The following CHD9 variants were observed in gnomAD, a reference collection of about 807,000 sequenced individuals.
CHD9 encodes ATP-dependent chromatin remodeler CHD9.
Under a neutral mutation model 316.1 loss-of-function variants are expected in CHD9, and 77 were observed. That is an observed-to-expected ratio of 0.24 (90% CI 0.20 to 0.29). The LOEUF (loss-of-function observed/expected upper bound fraction) is 0.29, where lower values mean the gene tolerates loss of function less well. Among genes scored for constraint, CHD9 ranks in the 10% least tolerant of loss-of-function variants. The pLI, the probability that CHD9 is intolerant of heterozygous loss-of-function variation, is 1.00. For synonymous variants in CHD9, 1,129 were observed against 1,158.3 expected, an observed-to-expected ratio of 0.97 and a Z score of 0.51; for missense variants, 2,763 against 3,438.1, an observed-to-expected ratio of 0.80 and a Z score of 4.91.
intron 1 of CHD9, among the ~76,000 whole-genome samples, chr16:53,071,620 A>C (rs2034058224): frequency 6.6e-6 from 1 of 152,204 alleles, no homozygotes; most frequent in Non-Finnish European, 1.5e-5. Context: ...GGTGCCTTTA[A>C]AGCCTCAGGC....
In CHD9 at chr16:53,326,467, A is replaced by G. The variant is rs2057545528; in HGVS notation, c.*1572A>G. Reference sequence around the variant, plus strand: ...TATCAGGTTTTCCAAGACCTTTACCAGTAAATTATGTTTCTGTATGTAAAA... The same window carrying G: ...TATCAGGTTTTCCAAGACCTTTACCGGTAAATTATGTTTCTGTATGTAAAA... On this transcript the variant is annotated 3_prime_UTR_variant, in exon 39 of 39. Transcript: ENST00000447540. 6.6e-6 allele frequency: 1 copy of G among 152,520 alleles called. No homozygotes were observed. The highest frequency in any genetic ancestry group is 2.4e-5 in the African/African-American group (1 of 41,456). 9.4% of individuals were successfully genotyped at this position (152,520 alleles called of 1,614,324 possible). A position where few individuals can be genotyped will look rare whatever the true frequency, so the allele number is the denominator to read the frequency against.
chr16:53,170,787 G>A (rs1424362278), intron 2 of CHD9, among the ~76,000 whole-genome samples: 1 of 152,016 alleles, frequency 6.6e-6, no homozygotes, highest in Non-Finnish European at 1.5e-5. Context: ...ACAAATTTTT[G>A]AGAACATAAC....
At position 53,055,636 on chromosome 16, in the gene CHD9, G is replaced by T. The variant is rs565422114; in HGVS notation, c.-165+559G>T. Reference sequence around the variant, plus strand: ...AGTTGGAGAAAAACGGAGGACATTTGTTTGTTCTAACCCAGAATGCTGATG... The same window carrying T: ...AGTTGGAGAAAAACGGAGGACATTTTTTTGTTCTAACCCAGAATGCTGATG... On this transcript the variant is annotated intron_variant, in intron 1 of 38. Coordinates refer to ENST00000447540, the MANE Select transcript of CHD9 (RefSeq NM_001308319.2). Among the ~76,000 whole-genome samples the T allele has an allele frequency of 9.9e-5, 15 of 152,234 alleles. No individual in the cohort carries two copies. In the East Asian group the frequency reaches 2.5e-3, roughly 25 times the overall value.
chr16:53,102,336 C>A (rs1354448932), intron 1 of CHD9, among the ~76,000 whole-genome samples: 3 of 151,928 alleles, frequency 2.0e-5, no homozygotes, highest in African/African-American at 7.3e-5. Context: ...AACTGTATTC[C>A]CTGTGTTGAG....
chr16:53,247,613 G>GTTTC (rs2049746360), intron 16 of CHD9, 110 bp downstream of exon 16: 1 of 741,820 alleles, frequency 1.3e-6, no homozygotes, highest in African/African-American at 1.8e-5. Flanking sequence ...TGCTAGATTA[G>GTTTC]AATAATGCAT....
chr16:53,298,658 A>G (rs945365105), intron 30 of CHD9: 8 of 152,260 alleles, frequency 5.3e-5, no homozygotes, highest in Admixed American at 5.2e-4. Context: ...TGTCCCTAAA[A>G]TAAATAAACA....
intron 8 of CHD9, among the ~76,000 whole-genome samples, chr16:53,230,499 G>A (rs2048075258): frequency 6.6e-6 from 1 of 152,060 alleles, no homozygotes; most frequent in Non-Finnish European, 1.5e-5. Flanking sequence ...TTAGTTTGTG[G>A]ATGCTGGGAG....
At chr16:53,105,618 G>A (rs917351879) in intron 1 of CHD9, among the ~76,000 whole-genome samples, 2 of 152,078 alleles carry the variant, frequency 1.3e-5, no homozygotes, top group African/African-American at 4.8e-5. Context: ...TTCCATAGGA[G>A]AGTTTTCAGC....
intron 38 of CHD9, among the ~76,000 whole-genome samples, chr16:53,323,209 T>C (rs2057384047): frequency 6.6e-6 from 1 of 152,220 alleles, no homozygotes; most frequent in African/African-American, 2.4e-5. Context: ...TTTTATAGAT[T>C]ACATATTGAA....
chr16:53,159,277 G>GA (rs2041744452), intron 2 of CHD9, among the ~76,000 whole-genome samples: 1 of 151,602 alleles, frequency 6.6e-6, no homozygotes, highest in Non-Finnish European at 1.5e-5. Flanking sequence ...GACCCTCTGA[G>GA]AAAAAAAGAA....
intron 3 of CHD9, among the ~76,000 whole-genome samples, chr16:53,212,273 T>C (rs62048057): frequency 0.31 from 47,127 of 151,660 alleles, 7,464 homozygotes; most frequent in Middle Eastern, 0.38. Flanking sequence ...GGCGTGGTGG[T>C]GGGCACCTGT....
intron 1 of CHD9, among the ~76,000 whole-genome samples, chr16:53,153,207 A>G (rs899607185): frequency 2.6e-5 from 4 of 152,218 alleles, no homozygotes; most frequent in African/African-American, 9.6e-5. Context: ...CAATAAACCT[A>G]AACAGATTCC....
chr16:53,276,377 T>C (rs984772185), intron 24 of CHD9, among the ~76,000 whole-genome samples: 20 of 152,296 alleles, frequency 1.3e-4, no homozygotes, highest in South Asian at 8.3e-4. Flanking sequence ...ACATCTACTG[T>C]TTAACTGTTG....
At chr16:53,270,720 A>G (rs770196389) in intron 22 of CHD9, among the ~76,000 whole-genome samples, 59 of 152,300 alleles carry the variant, frequency 3.9e-4, no homozygotes, top group Non-Finnish European at 5.6e-4. Flanking sequence ...AGGCAAATAT[A>G]TTAGTGGTAA....
At chr16:53,249,630 G>A (rs1027767973) in intron 16 of CHD9, among the ~76,000 whole-genome samples, 3 of 152,072 alleles carry the variant, frequency 2.0e-5, no homozygotes, top group Non-Finnish European at 4.4e-5. Context: ...AAAATTTATT[G>A]TAGTGTTCTT....
chr16:53,284,231 A>G (rs1201060599), intron 24 of CHD9, among the ~76,000 whole-genome samples: 2 of 152,120 alleles, frequency 1.3e-5, no homozygotes, highest in African/African-American at 4.8e-5. Context: ...ATCTCTGGTT[A>G]TTTGAAAGTT....
intron 1 of CHD9, among the ~76,000 whole-genome samples, chr16:53,061,758 A>G (rs142880098): frequency 2.6e-5 from 4 of 152,276 alleles, no homozygotes; most frequent in African/African-American, 9.6e-5. Context: ...AAAATAACTT[A>G]AAGCAGAAGT....
chr16:53,077,933 G>A (rs1168494504), intron 1 of CHD9, among the ~76,000 whole-genome samples: 2 of 152,082 alleles, frequency 1.3e-5, no homozygotes, highest in Non-Finnish European at 2.9e-5. Context: ...AATTAGCCAG[G>A]CATGGTGTTG....
chr16:53,162,088 G>T (rs1353607410), intron 2 of CHD9, among the ~76,000 whole-genome samples: 1 of 152,168 alleles, frequency 6.6e-6, no homozygotes, highest in East Asian at 1.9e-4. Flanking sequence ...ATAGTGGGGT[G>T]ATTGTAGATA....
Sources: allele counts gnomAD v4.1 joint callset (sites outside exome capture counted in the v4.1 genomes callset), GRCh38; gene constraint gnomAD v4.1.1; transcripts MANE v1.5; gene names NCBI Gene and HGNC (gene_info 2026-07-23, HGNC 2026-07-21).